The following PCDH15 variants were observed in gnomAD, a reference collection of about 807,000 sequenced individuals.
PCDH15 encodes protocadherin related 15.
A neutral mutation model predicts 178.5 loss-of-function variants in PCDH15; 129 were observed. That is an observed-to-expected ratio of 0.72 (90% CI 0.63 to 0.84). The LOEUF (loss-of-function observed/expected upper bound fraction) is 0.84, where lower values mean the gene tolerates loss of function less well. PCDH15 is among the 40% of genes least tolerant of loss of function. The pLI, the probability that PCDH15 is intolerant of heterozygous loss-of-function variation, is 0.00. For missense variants in PCDH15, 2,230 were observed against 2,099.9 expected, an observed-to-expected ratio of 1.06 and a Z score of -1.21; for synonymous variants, 800 against 732.0, an observed-to-expected ratio of 1.09 and a Z score of -1.50.
intron 27 of PCDH15, among the ~76,000 whole-genome samples, chr10:53,858,107 A>G (rs11003886): frequency 0.31 from 47,646 of 151,952 alleles, 9,748 homozygotes; most frequent in East Asian, 0.84. Flanking sequence ...ACTATTATCC[A>G]ATACTGATAT....
chr10:55,456,053 C>G (rs748343888), intron 2 of PCDH15, among the ~76,000 whole-genome samples: 9 of 152,110 alleles, frequency 5.9e-5, no homozygotes, highest in South Asian at 2.1e-4. Context: ...TTAAGGTGGG[C>G]GTGATAGGGC....
chr10:55,320,591 G>T (rs548827994), upstream of PCDH15, among the ~76,000 whole-genome samples: 51 of 152,272 alleles, frequency 3.3e-4, no homozygotes, highest in African/African-American at 1.1e-3. Context: ...CCCTTCCAGT[G>T]CAGCAAGCTT....
At chr10:53,849,688 C>A (rs942352318) in intron 28 of PCDH15, among the ~76,000 whole-genome samples, 1 of 151,444 alleles carries the variant, frequency 6.6e-6, no homozygotes, top group Admixed American at 6.6e-5. Context: ...CACGGTGAAA[C>A]CTCGTCTCTA....
intron 14 of PCDH15, among the ~76,000 whole-genome samples, chr10:54,141,980 T>C (rs146168881): frequency 6.6e-6 from 1 of 152,256 alleles, no homozygotes; most frequent in Non-Finnish European, 1.5e-5. Flanking sequence ...ATTCTGAATT[T>C]CCAAAGCTGA....
intron 1 of PCDH15, among the ~76,000 whole-genome samples, chr10:55,198,925 T>C (rs1430394952): frequency 3.3e-5 from 5 of 152,104 alleles, no homozygotes; most frequent in African/African-American, 7.3e-5. Context: ...ACGCTTCCTG[T>C]ACAGCCTGCA....
intron 2 of PCDH15, among the ~76,000 whole-genome samples, chr10:55,504,546 G>T (rs577417213): frequency 1.3e-5 from 2 of 151,172 alleles, no homozygotes; most frequent in South Asian, 4.1e-4. Context: ...ACTTTAGGAA[G>T]TAATTTAGCT....
intron 8 of PCDH15, among the ~76,000 whole-genome samples, chr10:54,238,677 TCACACACACACA>T (rs71476326): frequency 6.9e-6 from 1 of 144,262 alleles, no homozygotes; most frequent in Admixed American, 6.9e-5. Context: ...TCTCTCTCTC[TCACACACACACA>T]CACACACACA....
intron 2 of PCDH15, among the ~76,000 whole-genome samples, chr10:55,575,345 T>C (rs1842476613): frequency 6.6e-6 from 1 of 152,158 alleles, no homozygotes; most frequent in South Asian, 2.1e-4. Flanking sequence ...TAGAAAACCG[T>C]GCAGATTCAG....
intron 23 of PCDH15, among the ~76,000 whole-genome samples, chr10:53,950,463 G>A (rs1276951978): frequency 6.6e-6 from 1 of 152,032 alleles, no homozygotes; most frequent in East Asian, 1.9e-4. Flanking sequence ...TACCTATATA[G>A]GTGGCATATA....
At chr10:54,528,253 T>A in intron 2 of PCDH15, 1 of 822,224 alleles carries the variant, frequency 1.2e-6, no homozygotes, top group South Asian at 1.7e-5. Flanking sequence ...ACAAACATAA[T>A]TGGACTTTAA....
intron 2 of PCDH15, among the ~76,000 whole-genome samples, chr10:55,478,859 C>T (rs930763907): frequency 1.3e-5 from 2 of 149,952 alleles, no homozygotes; most frequent in African/African-American, 4.9e-5. Context: ...AACAACCATA[C>T]ACCAACAAAT....
chr10:53,853,134 A>C (rs894327418), intron 28 of PCDH15, among the ~76,000 whole-genome samples: 1 of 151,900 alleles, frequency 6.6e-6, no homozygotes, highest in Non-Finnish European at 1.5e-5. Context: ...CATAGGTTTT[A>C]AAAAAAATCT....
At chr10:54,398,565 G>A (rs1190837082) in intron 3 of PCDH15, among the ~76,000 whole-genome samples, 2 of 151,924 alleles carry the variant, frequency 1.3e-5, no homozygotes, top group Non-Finnish European at 2.9e-5. Flanking sequence ...CCACTTATGT[G>A]ATCTTACCTT....
intron 4 of PCDH15, among the ~76,000 whole-genome samples, chr10:54,377,604 C>A (rs369764962): frequency 1.3e-5 from 2 of 152,080 alleles, no homozygotes. Context: ...AAAGTATCAA[C>A]CACTCCATAA....
chr10:55,285,341 T>A (rs1230182920), intron 1 of PCDH15, among the ~76,000 whole-genome samples: 1 of 151,448 alleles, frequency 6.6e-6, no homozygotes, highest in African/African-American at 2.4e-5. Flanking sequence ...ACTAATTTTT[T>A]AATATATATT....
At chr10:53,981,968 T>A (rs1002439897) in intron 21 of PCDH15, among the ~76,000 whole-genome samples, 4 of 151,342 alleles carry the variant, frequency 2.6e-5, no homozygotes, top group African/African-American at 9.7e-5. Flanking sequence ...CAAACAAATT[T>A]ACAAGAAAAA....
intron 1 of PCDH15, among the ~76,000 whole-genome samples, chr10:54,758,616 CT>C (rs1274178556): frequency 1.9e-4 from 29 of 152,014 alleles, no homozygotes; most frequent in African/African-American, 6.8e-4. Context: ...TTTGTGGCTA[CT>C]TTTTTCCTTT....
At chr10:54,399,781 C>CA (rs1028686247) in intron 3 of PCDH15, among the ~76,000 whole-genome samples, 1 of 152,028 alleles carries the variant, frequency 6.6e-6, no homozygotes, top group Non-Finnish European at 1.5e-5. Context: ...GCGGGAACAG[C>CA]AAAAGTTAGT....
intron 3 of PCDH15, among the ~76,000 whole-genome samples, chr10:54,433,958 T>C (rs2075198345): frequency 6.6e-6 from 1 of 152,210 alleles, no homozygotes; most frequent in Admixed American, 6.5e-5. Flanking sequence ...ATGTGTGCTA[T>C]TGCCCCAAAC....
Sources: gnomAD v4.1 joint callset for allele counts (sites outside exome capture counted in the v4.1 genomes callset) on GRCh38, gnomAD v4.1.1 for gene constraint, MANE v1.5 for transcripts, NCBI Gene and HGNC (gene_info 2026-07-23, HGNC 2026-07-21) for gene names.